Variants in IRS1 observed in about 807,000 individuals in gnomAD.
IRS1 encodes insulin receptor substrate 1.
A neutral mutation model predicts 65.6 loss-of-function variants in IRS1; 34 were observed. The observed-to-expected ratio is 0.52, with a 90% CI of 0.39 to 0.69. IRS1 has a LOEUF of 0.69. Among genes scored for constraint, IRS1 ranks in the 30% least tolerant of loss-of-function variants. IRS1 has a pLI of 0.00. For synonymous variants in IRS1, 699 were observed against 683.5 expected, an observed-to-expected ratio of 1.02 and a Z score of -0.35; for missense variants, 1,641 against 1,720.2, an observed-to-expected ratio of 0.95 and a Z score of 0.81.
intron 1 of IRS1, among the ~76,000 whole-genome samples, chr2:226,767,327 T>C (rs571956408): frequency 1.4e-3 from 208 of 152,282 alleles, no homozygotes; most frequent in Non-Finnish European, 1.9e-3. Flanking sequence ...GCGCAAGCCA[T>C]AATAAGGGCC....
chr2:226,741,109 C>T (rs926226735), intron 1 of IRS1, among the ~76,000 whole-genome samples: 1 of 152,154 alleles, frequency 6.6e-6, no homozygotes, highest in Non-Finnish European at 1.5e-5. Context: ...AACCACTACT[C>T]AGCTGTGGTT....
At chr2:226,783,826 T>C (rs963234633) in intron 1 of IRS1, among the ~76,000 whole-genome samples, 26 of 152,286 alleles carry the variant, frequency 1.7e-4, no homozygotes, top group African/African-American at 6.0e-4. Context: ...AATGGGATAG[T>C]AGCAAATGTG....
Position 226,795,452 on chromosome 2 carries a change from C to A in IRS1, c.3287G>T (p.Arg1096Leu), listed in dbSNP as rs762744077. ...GAAAGTCTCGGAGCTATGCCTCCGC[C>A]GGCACCCTTGTGGGTCTGCACGGAT... ...KVIRADPQGC[R>L]RRHSSETFSS... is the part of the protein sequence containing the mutation. Residue 1096 changes from arginine (R) to leucine (L), a missense_variant, in exon 1 of 2, where the codon CGG becomes CTG. Coordinates refer to ENST00000305123, the MANE Select transcript of IRS1 (RefSeq NM_005544.3). The A allele has an allele frequency of 6.2e-7, 1 of 1,613,564 alleles. No homozygotes were observed. The highest frequency in any genetic ancestry group is 8.5e-7 in the Non-Finnish European group (1 of 1,180,026).
In IRS1 at chr2:226,767,844, G is replaced by A. The variant is rs185579868; in HGVS notation, c.*21+27145C>T. 1.4e-4 allele frequency among the ~76,000 whole-genome samples: 22 copies of A among 152,238 alleles called. No homozygotes were observed. The East Asian group carries it at 3.7e-3, about 25-fold the overall frequency. ...GGCACTATCAAACTCAAAGGCATGA[G>A]GAGTAACACGTCACACAGAAGAAGT... On this transcript the variant is annotated intron_variant, in intron 1 of 1. Coordinates refer to ENST00000305123, the MANE Select transcript of IRS1 (RefSeq NM_005544.3).
rs1938945321 is a variant in IRS1, at chr2:226,762,860, C to G, written c.*22-26610G>C. Among the ~76,000 whole-genome samples, 2 of 152,106 alleles carry G rather than the reference C, an allele frequency of 1.3e-5. 1 individual carries two copies. Among genetic ancestry groups the G allele is most frequent in the South Asian group, 4.1e-4 (2 of 4,826 alleles). ...AACAAAATCAGCTCAAAGTGACAAGCCTACAAATATAAAACACCTTTCCAA... is the reference window on the plus strand; with the variant it reads ...AACAAAATCAGCTCAAAGTGACAAGGCTACAAATATAAAACACCTTTCCAA... On this transcript the variant is annotated intron_variant, in intron 1 of 1. Coordinates refer to ENST00000305123, the MANE Select transcript of IRS1 (RefSeq NM_005544.3).
chr2:226,780,036 C>G (rs1046175461), intron 1 of IRS1, among the ~76,000 whole-genome samples: 1 of 152,164 alleles, frequency 6.6e-6, no homozygotes, highest in African/African-American at 2.4e-5. Flanking sequence ...AAAGGAGGAG[C>G]AATGGGACAC....
At chr2:226,768,047 C>G (rs950957858) in intron 1 of IRS1, among the ~76,000 whole-genome samples, 3 of 152,166 alleles carry the variant, frequency 2.0e-5, no homozygotes, top group African/African-American at 7.2e-5. Flanking sequence ...CCCTGCTGCT[C>G]CAGATGCACC....
intron 1 of IRS1, among the ~76,000 whole-genome samples, chr2:226,791,075 C>T (rs1939584100): frequency 6.6e-6 from 1 of 152,138 alleles, no homozygotes; most frequent in African/African-American, 2.4e-5. Flanking sequence ...CCTCACAGCC[C>T]AGGAGGATGC....
intron 1 of IRS1, among the ~76,000 whole-genome samples, chr2:226,781,114 A>T (rs929162520): frequency 2.6e-5 from 4 of 152,130 alleles, no homozygotes; most frequent in African/African-American, 4.8e-5. Flanking sequence ...GAAGGGGTAA[A>T]TTTTCTGAAC....
chr2:226,731,924 C>T lies in IRS1; in HGVS notation c.*4348G>A, dbSNP rs577397572. On this transcript the variant is annotated 3_prime_UTR_variant, in exon 2 of 2. Transcript: ENST00000305123. ...AATTTGTCCTATCCTATGGCATACT[C>T]GTTAACAGCATAAGCAAAGAGAGAT... 3.7e-4 allele frequency: 56 copies of T among 152,100 alleles called. No homozygotes were observed. Among genetic ancestry groups the T allele is most frequent in the African/African-American group, 1.2e-3 (49 of 41,498 alleles). 9.4% of individuals were successfully genotyped at this position (152,100 alleles called of 1,614,324 possible). A position where few individuals can be genotyped will look rare whatever the true frequency, so the allele number is the denominator to read the frequency against.
rs1939711186 is a variant in IRS1, at chr2:226,795,922, C to T, written c.2817G>A (p.Glu939=). ...PAPREEETGT[E]EYMKMDLGPG... The stretch of plus-strand genomic sequence containing the variant: ...GCCCCAGGTCCATCTTCATGTACTC[C>T]TCAGTGCCAGTCTCTTCCTCTCTGG... Residue 939 remains glutamate, a synonymous_variant, in exon 1 of 2, where the codon GAG becomes GAA. Transcript: ENST00000305123. 2 of 1,613,904 alleles carry T rather than the reference C, an allele frequency of 1.2e-6. No individual in the cohort carries two copies. Among genetic ancestry groups the T allele is most frequent in the African/African-American group, 1.3e-5 (1 of 74,946 alleles).
chr2:226,784,334 T>A (rs538036466), intron 1 of IRS1, among the ~76,000 whole-genome samples: 1 of 152,200 alleles, frequency 6.6e-6, no homozygotes, highest in South Asian at 2.1e-4. Context: ...CTACTGCTAT[T>A]ACTATACTCT....
intron 1 of IRS1, among the ~76,000 whole-genome samples, chr2:226,736,932 C>CT (rs975737685): frequency 5.4e-4 from 81 of 149,138 alleles, no homozygotes; most frequent in African/African-American, 1.8e-3. Context: ...AGTGAAGACT[C>CT]TTTTTTTTTT....
At chr2:226,742,726 A>AAAAAAAAAAAAAAG (rs1431863272) in intron 1 of IRS1, among the ~76,000 whole-genome samples, 1 of 147,786 alleles carries the variant, frequency 6.8e-6, no homozygotes, top group Non-Finnish European at 1.5e-5. Flanking sequence ...AAAAAAAAAA[A>AAAAAAAAAAAAAAG]AGAAGACCGA....
chr2:226,772,630 G>C (rs1939186277), intron 1 of IRS1, among the ~76,000 whole-genome samples: 1 of 148,014 alleles, frequency 6.8e-6, no homozygotes, highest in Non-Finnish European at 1.5e-5. Context: ...TATCAAGACA[G>C]GAAAAATGAT....
chr2:226,736,025 T>G lies in IRS1; in HGVS notation c.*247A>C, dbSNP rs1280540903. 6.6e-6 allele frequency: 1 copy of G among 152,294 alleles called. No homozygotes were observed. Among genetic ancestry groups the G allele is most frequent in the Non-Finnish European group, 1.5e-5 (1 of 68,052 alleles). The allele number at this position is 152,294 out of a possible 1,614,324, so 9.4% of individuals were successfully genotyped here. A position where few individuals can be genotyped will look rare whatever the true frequency, so the allele number is the denominator to read the frequency against. On this transcript the variant is annotated 3_prime_UTR_variant, in exon 2 of 2. Coordinates refer to ENST00000305123, the MANE Select transcript of IRS1 (RefSeq NM_005544.3). ...AGATGAAGTTTATGCAGACTCATTA[T>G]TCTGGTGTCACAGTGCATTTTTTTT...
chr2:226,783,744 A>G (rs955028549), intron 1 of IRS1, among the ~76,000 whole-genome samples: 1 of 152,136 alleles, frequency 6.6e-6, no homozygotes. Flanking sequence ...AAGTCAAAAA[A>G]TACAGATTTT....
At chr2:226,743,477 G>A (rs1217684455) in intron 1 of IRS1, among the ~76,000 whole-genome samples, 4 of 152,140 alleles carry the variant, frequency 2.6e-5, no homozygotes, top group Admixed American at 6.5e-5. Flanking sequence ...TGATCCACCC[G>A]CCTCGGCCTC....
At chr2:226,773,785 A>G (rs930279796) in intron 1 of IRS1, among the ~76,000 whole-genome samples, 4 of 152,146 alleles carry the variant, frequency 2.6e-5, no homozygotes, top group African/African-American at 4.8e-5. Flanking sequence ...TCCCCCAGGA[A>G]GGCGAAGAAG....
Sources: allele counts gnomAD v4.1 joint callset (sites outside exome capture counted in the v4.1 genomes callset), GRCh38; gene constraint gnomAD v4.1.1; transcripts MANE v1.5; gene names NCBI Gene and HGNC (gene_info 2026-07-23, HGNC 2026-07-21).